Variants in RERE observed in about 807,000 individuals in gnomAD.
RERE encodes arginine-glutamic acid dipeptide repeats protein.
Under a neutral mutation model 146.1 loss-of-function variants are expected in RERE, and 40 were observed. That is an observed-to-expected ratio of 0.27 (90% CI 0.21 to 0.36). RERE has a LOEUF of 0.36. Among genes scored for constraint, RERE ranks in the 10% least tolerant of loss-of-function variants. The probability of loss-of-function intolerance (pLI) is 1.00; values close to 1 mark genes in which losing one functional copy is unlikely to be tolerated. For missense variants in RERE, 1,933 were observed against 2,138.7 expected (o/e 0.90, Z 1.90); for synonymous variants, 1,003 against 866.0 (o/e 1.16, Z -2.78).
rs918440635 is a variant in RERE, at chr1:8,465,957, G to A, written c.1171C>T (p.Leu391Phe). Residue 391 changes from leucine (L) to phenylalanine (F), a missense_variant, in exon 11 of 23, where the codon CTC (leucine) becomes TTC (phenylalanine). Leu to Phe is a conservative substitution (Grantham distance 22, BLOSUM62 0). Coordinates refer to ENST00000400908, the MANE Select transcript of RERE (RefSeq NM_001042681.2). ...TCCTCGGTCCAGCACTTCTCGATGAGCTTGGGCACAGGCTTCTTCACCAGG... is the reference window on the plus strand; with the variant it reads ...TCCTCGGTCCAGCACTTCTCGATGAACTTGGGCACAGGCTTCTTCACCAGG... ...QRLVKKPVPK[L>F]IEKCWTEDEV... The A allele has an allele frequency of 3.1e-6, 5 of 1,614,076 alleles. No individual in the cohort carries two copies. The highest frequency in any genetic ancestry group is 3.4e-6 in the Non-Finnish European group (4 of 1,180,032).
chr1:8,774,096 C>T (rs905812845), intron 1 of RERE, among the ~76,000 whole-genome samples: 2 of 152,124 alleles, frequency 1.3e-5, no homozygotes, highest in African/African-American at 2.4e-5. Context: ...CCTCTCTCCA[C>T]GAATCCACAC....
rs1294947816 is a variant in RERE at position 8,403,876 on chromosome 1, G to A, written c.1284+18851C>T. Among the ~76,000 whole-genome samples the A allele has an allele frequency of 2.6e-5, 3 of 117,408 alleles. No individual in the cohort carries two copies. In the East Asian group the frequency reaches 9.2e-4, roughly 36 times the overall value. The allele number at this position is 117,408 out of a possible 152,430, so 77.0% of individuals were successfully genotyped here. ...GATGGGAGTCTCACTCTGTCACCAG[G>A]CTGGAGTGCAGTGGTGCCATCTCGG... On this transcript the variant is annotated intron_variant, in intron 12 of 22. Coordinates refer to ENST00000400908, the MANE Select transcript of RERE (RefSeq NM_001042681.2).
At chr1:8,727,179 G>A (rs1337550963) in intron 1 of RERE, among the ~76,000 whole-genome samples, 1 of 149,520 alleles carries the variant, frequency 6.7e-6, no homozygotes, top group Non-Finnish European at 1.5e-5. Flanking sequence ...GTCTCGCTCT[G>A]TAGCCCAGGC....
intron 8 of RERE, among the ~76,000 whole-genome samples, chr1:8,505,955 T>C (rs1645244757): frequency 6.6e-6 from 1 of 152,206 alleles, no homozygotes; most frequent in Admixed American, 6.5e-5. Flanking sequence ...AAACCAAACA[T>C]CTGATTTTAA....
At chr1:8,628,006 T>C (rs1030338632) in intron 2 of RERE, among the ~76,000 whole-genome samples, 2 of 152,184 alleles carry the variant, frequency 1.3e-5, no homozygotes, top group Non-Finnish European at 2.9e-5. Context: ...GGGATAAGCA[T>C]GAGAGAGATC....
rs184793857 is a variant in RERE, at chr1:8,748,304, A to G, written c.-145+68856T>C. The stretch of plus-strand genomic sequence containing the variant: ...ACTCATCCACAATCACTTCAGTCAG[A>G]AACGTGGGAATTATCTTAGACTCTT... On this transcript the variant is annotated intron_variant, in intron 1 of 22. Coordinates refer to ENST00000400908, the MANE Select transcript of RERE (RefSeq NM_001042681.2). Among the ~76,000 whole-genome samples, 254 of 152,304 alleles carry G rather than the reference A, an allele frequency of 1.7e-3. 4 individuals are homozygous for G. In the East Asian group the frequency reaches 0.019, roughly 11 times the overall value.
At chr1:8,477,998 G>A (rs1423367525) in intron 10 of RERE, among the ~76,000 whole-genome samples, 1 of 152,138 alleles carries the variant, frequency 6.6e-6, no homozygotes, top group Non-Finnish European at 1.5e-5. Context: ...AAGCCTCTGG[G>A]CAACCAAAAC....
chr1:8,596,620 G>T (rs563846810), intron 4 of RERE, among the ~76,000 whole-genome samples: 1 of 150,824 alleles, frequency 6.6e-6, no homozygotes, highest in African/African-American at 2.5e-5. Context: ...CAATTCTCTT[G>T]TCTGTGGCCT....
chr1:8,794,419 G>A (rs1433177488), intron 1 of RERE, among the ~76,000 whole-genome samples: 1 of 148,774 alleles, frequency 6.7e-6, no homozygotes, highest in Non-Finnish European at 1.5e-5. Flanking sequence ...AGCTAACTCT[G>A]GCTCTCTCTA....
intron 11 of RERE, among the ~76,000 whole-genome samples, chr1:8,429,538 G>A (rs1644065072): frequency 6.6e-6 from 1 of 152,196 alleles, no homozygotes; most frequent in Non-Finnish European, 1.5e-5. Flanking sequence ...ATCTGCAGTA[G>A]CAAGAGAGCA....
intron 1 of RERE, among the ~76,000 whole-genome samples, chr1:8,719,597 T>C (rs1335967248): frequency 6.6e-6 from 1 of 152,196 alleles, no homozygotes; most frequent in Non-Finnish European, 1.5e-5. Context: ...TGCCCTCTGC[T>C]TAATTCAGCT....
At chr1:8,720,521 CAG>C (rs571739017) in intron 1 of RERE, among the ~76,000 whole-genome samples, 53 of 151,750 alleles carry the variant, frequency 3.5e-4, no homozygotes, top group African/African-American at 1.3e-3. Context: ...CAGACAGAGT[CAG>C]AGAGAGAGCA....
intron 10 of RERE, among the ~76,000 whole-genome samples, chr1:8,490,888 A>AT (rs2124217841): frequency 6.7e-6 from 1 of 149,986 alleles, no homozygotes; most frequent in East Asian, 1.9e-4. Context: ...TCACAGATTT[A>AT]TAAGTAGTTT....
rs1643949587 is a variant in RERE, at chr1:8,423,619, G to A, written c.1204-812C>T. 1 of 985,182 alleles carries A rather than the reference G, an allele frequency of 1.0e-6. No individual in the cohort carries two copies. The highest frequency in any genetic ancestry group is 1.2e-6 in the Non-Finnish European group (1 of 829,870). 61.0% of individuals were successfully genotyped at this position (985,182 alleles called of 1,614,324 possible). On this transcript the variant is annotated intron_variant, in intron 11 of 22. Coordinates refer to ENST00000400908, the MANE Select transcript of RERE (RefSeq NM_001042681.2). This position sits in a 1 kb window ranked among gnomAD's most constrained non-coding sequence, Gnocchi z 5.4. ...CCCCAGCAGCCACAGGTAAGCGCCC[G>A]GGGTCCGGGGCGGCAAGAGGCCGTC...
At chr1:8,634,706 T>C (rs562206855) in intron 2 of RERE, among the ~76,000 whole-genome samples, 1 of 152,318 alleles carries the variant, frequency 6.6e-6, no homozygotes, top group Non-Finnish European at 1.5e-5. Flanking sequence ...GGGCAGGTCT[T>C]ACTTCTTCTA....
chr1:8,701,287 TACACACACACACAC>T (rs745905637), intron 1 of RERE, among the ~76,000 whole-genome samples: 1 of 93,644 alleles, frequency 1.1e-5, no homozygotes, highest in Non-Finnish European at 2.0e-5. Flanking sequence ...GTGAGGGGAA[TACACACACACACAC>T]ACACACACAC....
rs1557553356 is a variant in RERE at position 8,805,007 on chromosome 1, G to GTTT, written c.-145+12152_-145+12153insAAA. Reference sequence around the variant, plus strand: ...ATTTTTTTTGTTTTGTTTTGTTTTTGGTTTTTTTTTTTTTTTTTTTTGAGA... The same window carrying GTTT: ...ATTTTTTTTGTTTTGTTTTGTTTTTGTTTGTTTTTTTTTTTTTTTTTTTTGAGA... On this transcript the variant is annotated intron_variant, in intron 1 of 22. Transcript: ENST00000400908. Among the ~76,000 whole-genome samples the GTTT allele has an allele frequency of 2.0e-3, 123 of 61,342 alleles. 19 individuals are homozygous for GTTT. Among genetic ancestry groups the GTTT allele is most frequent in the Non-Finnish European group, 1.9e-3 (61 of 31,882 alleles). The allele number at this position is 61,342 out of a possible 152,430, so 40.2% of individuals were successfully genotyped here.
At chr1:8,730,950 A>G (rs1640067514) in intron 1 of RERE, among the ~76,000 whole-genome samples, 1 of 152,206 alleles carries the variant, frequency 6.6e-6, no homozygotes. Flanking sequence ...CACAGCAAGA[A>G]AACAGCTAAA....
At chr1:8,386,575 T>TTTTTTTTTTTTTTTTTTTTTTGAGACGG (rs1553159899) in intron 12 of RERE, among the ~76,000 whole-genome samples, 1 of 147,948 alleles carries the variant, frequency 6.8e-6, no homozygotes, top group African/African-American at 2.4e-5. Context: ...CTAGAACTCT[T>TTTTTTTTTTTTTTTTTTTTTTGAGACGG]ACAAATGAAA....
Sources: gnomAD v4.1 joint callset for allele counts (sites outside exome capture counted in the v4.1 genomes callset) on GRCh38, gnomAD v4.1.1 for gene constraint, Gnocchi (gnomAD v3.1) non-coding constraint, MANE v1.5 for transcripts, NCBI Gene and HGNC (gene_info 2026-07-23, HGNC 2026-07-21) for gene names.